The following PLEC variants were observed in gnomAD, a reference collection of about 807,000 sequenced individuals.
The protein encoded by PLEC is hemidesmosomal protein 1.
A neutral mutation model predicts 392.8 loss-of-function variants in PLEC; 216 were observed. The observed-to-expected ratio is 0.55, with a 90% CI of 0.49 to 0.62. The LOEUF is 0.62. PLEC is among the 20% of genes least tolerant of loss of function. The pLI is 0.00. For missense variants in PLEC, 6,863 were observed against 6,563.4 expected, an observed-to-expected ratio of 1.05 and a Z score of -1.58; for synonymous variants, 3,621 against 2,980.6, an observed-to-expected ratio of 1.21 and a Z score of -7.00.
Position 143,923,110 on chromosome 8 carries a change from C to A in PLEC, c.6819G>T (p.Met2273Ile), listed in dbSNP as rs1330572071. 2 of 1,605,526 alleles carry A rather than the reference C, an allele frequency of 1.2e-6. No homozygotes were observed. The highest frequency in any genetic ancestry group is 1.7e-6 in the Non-Finnish European group (2 of 1,179,896). The change falls in exon 31 of 32, where the codon ATG becomes ATT. Residue 2273 changes from methionine to isoleucine, a missense_variant. Coordinates refer to ENST00000345136, the MANE Select transcript of PLEC (RefSeq NM_201384.3). ...GCGCGGCCTCCTCCGCCACCTGCTTCATCTTCTCAGCCTCCTCCTGCAGGA... is the reference window on the plus strand; with the variant it reads ...GCGCGGCCTCCTCCGCCACCTGCTTAATCTTCTCAGCCTCCTCCTGCAGGA... ...QRFLQEEAEK[M>I]KQVAEEAARL...
Position 143,927,689 on chromosome 8 carries a change from C to A in PLEC, c.3477G>T (p.Val1159=), listed in dbSNP as rs781867658. ...LRDELRGAQE[V]GERLQQRHGE... ...CGTGCCGCTGCTGCAGTCGCTCCCCCACCTCCTGTGCCCCCCGCAGCTCAT... is the reference window on the plus strand; with the variant it reads ...CGTGCCGCTGCTGCAGTCGCTCCCCAACCTCCTGTGCCCCCCGCAGCTCAT... The change falls in exon 27 of 32, where the codon GTG becomes GTT. Residue 1159 remains valine, a synonymous_variant. Transcript: ENST00000345136. The A allele has an allele frequency of 4.4e-6, 7 of 1,582,726 alleles. No homozygotes were observed. Among genetic ancestry groups the A allele is most frequent in the South Asian group, 2.3e-5 (2 of 87,622 alleles).
chr8:143,971,791 C>A (rs1478544070), intron 1 of PLEC, among the ~76,000 whole-genome samples: 10 of 151,732 alleles, frequency 6.6e-5, no homozygotes, highest in Admixed American at 6.6e-4. Flanking sequence ...AGCCCCCCGG[C>A]CCCCCTGCCC....
intron 16 of PLEC, 63 bp from the exon 17 acceptor site, chr8:143,932,297 C>T: frequency 6.2e-7 from 1 of 1,607,916 alleles, no homozygotes; most frequent in Non-Finnish European, 8.5e-7. Context: ...ACGCTCCCAG[C>T]AAACTCGACC....
At chr8:143,968,471 G>A (rs1833233507) in intron 1 of PLEC, among the ~76,000 whole-genome samples, 1 of 139,280 alleles carries the variant, frequency 7.2e-6, no homozygotes, top group Non-Finnish European at 1.5e-5. Flanking sequence ...TCGGGAGCCT[G>A]AGGTACAAGA....
rs1421391265 is a variant in PLEC, at chr8:143,924,390, G to A, written c.5539C>T (p.Arg1847Trp). Reference sequence around the variant, plus strand: ...GCGATCTCCGCCTCCGTCTTGAGCCGCGTGGCCTCGCCGATGGCGGCCAGC... The same window carrying A: ...GCGATCTCCGCCTCCGTCTTGAGCCACGTGGCCTCGCCGATGGCGGCCAGC... ...EKLAAIGEAT[R>W]LKTEAEIALK... is the part of the protein sequence containing the mutation. The change falls in exon 31 of 32, where the codon CGG (arginine) becomes TGG (tryptophan). Residue 1847 changes from arginine (R) to tryptophan (W), a missense_variant. Arg to Trp is a moderately radical substitution (Grantham distance 101, BLOSUM62 -3). Transcript: ENST00000345136. The A allele has an allele frequency of 2.1e-5, 34 of 1,594,888 alleles. No individual in the cohort carries two copies. The highest frequency in any genetic ancestry group is 2.6e-5 in the Non-Finnish European group (31 of 1,177,926).
At position 143,916,213 on chromosome 8, in the gene PLEC, C is replaced by T. The variant is rs1444542865; in HGVS notation, c.13608G>A (p.Ser4536=). 19 of 1,544,944 alleles carry T rather than the reference C, an allele frequency of 1.2e-5. No individual in the cohort carries two copies. The highest frequency in any genetic ancestry group is 4.9e-5 in the East Asian group (2 of 40,738). ...GYGRRYASGS[S]ASLGGPESAV... ...CAGACTCAGGGCCCCCCAGGGAGGC[C>T]GAGGACCCCGAGGCGTAGCGGCGGC... The change falls in exon 32 of 32, where the codon TCG becomes TCA. Residue 4536 remains serine (S), a synonymous_variant. Transcript: ENST00000345136.
At position 143,922,929 on chromosome 8, in the gene PLEC, G is replaced by A. The variant is rs1554690952; in HGVS notation, c.7000C>T (p.Gln2334Ter). ...RLKAEAELLQ[Q>*]QKELAQEQAR... Reference sequence around the variant, plus strand: ...TGCTCCTGCGCAAGCTCCTTCTGCTGCTGCAGCAGTTCCGCCTCAGCCTTG... The same window carrying A: ...TGCTCCTGCGCAAGCTCCTTCTGCTACTGCAGCAGTTCCGCCTCAGCCTTG... Residue 2334 changes from glutamine to a stop codon, truncating the protein, a stop_gained, in exon 31 of 32, where the codon CAG becomes TAG. Transcript: ENST00000345136. LOFTEE classifies it high-confidence loss of function. 2 of 1,603,988 alleles carry A rather than the reference G, an allele frequency of 1.2e-6. No homozygotes were observed. Among genetic ancestry groups the A allele is most frequent in the Non-Finnish European group, 1.7e-6 (2 of 1,175,792 alleles).
At chr8:143,975,322 G>C, upstream of PLEC, 1 of 1,611,734 alleles carries the variant, frequency 6.2e-7, no homozygotes, top group Non-Finnish European at 8.5e-7. The surrounding 1 kb of genome is among the most constrained non-coding windows in gnomAD (Gnocchi z 9.9). Context: ...TGCTTCCATT[G>C]GAGACATCTT....
chr8:143,947,583 A>T (rs1311714857), intron 1 of PLEC, among the ~76,000 whole-genome samples: 3 of 140,460 alleles, frequency 2.1e-5, no homozygotes, highest in Admixed American at 7.0e-5. Flanking sequence ...CGTCTCTACT[A>T]AAAAAAAAAA....
chr8:143,937,360 C>G, intron 3 of PLEC, 118 bp from the exon 4 acceptor site: 1 of 762,868 alleles, frequency 1.3e-6, no homozygotes, highest in Non-Finnish European at 2.3e-6. Context: ...GGCAGCAGCC[C>G]CTCATCCCAG....
At chr8:143,926,585 C>T (rs1825265668) in intron 30 of PLEC, among the ~76,000 whole-genome samples, 199 bp downstream of exon 30, 1 of 152,264 alleles carries the variant, frequency 6.6e-6, no homozygotes, top group South Asian at 2.1e-4. Flanking sequence ...GCAGTGTAGC[C>T]ACACCAGGCC....
In PLEC at chr8:143,935,310, G is replaced by C. The variant is rs782620794; in HGVS notation, c.606C>G (p.Pro202=). The change falls in exon 7 of 32, where the codon CCC becomes CCG. Residue 202 remains proline (P), a synonymous_variant. Transcript: ENST00000345136. ...LFNAIIHRHK[P]LLIDMNKVYR... ...ACACCTTGTTCATGTCGATGAGCAG[G>C]GGCCTGGGACAAGCAGGTGGCTGGT... The C allele has an allele frequency of 9.4e-6, 15 of 1,601,696 alleles. No homozygotes were observed. In the East Asian group the frequency reaches 2.5e-4, roughly 26 times the overall value.
intron 1 of PLEC, chr8:143,945,422 C>T (rs1831316682): frequency 1.6e-5 from 5 of 314,804 alleles, no homozygotes; most frequent in South Asian, 1.2e-4. Flanking sequence ...CACAGCATAT[C>T]CTATGCAGAT....
Position 143,929,276 on chromosome 8 carries a change from T to C in PLEC, c.3087A>G (p.Ala1029=). 1.2e-6 allele frequency: 2 copies of C among 1,600,304 alleles called. No homozygotes were observed. Among genetic ancestry groups the C allele is most frequent in the African/African-American group, 1.3e-5 (1 of 74,998 alleles). The change falls in exon 25 of 32, where the codon GCA becomes GCG. Residue 1029 remains alanine (A), a synonymous_variant. Transcript: ENST00000345136. The part of the protein sequence containing the change: ...CAQRIAEQQK[A]QAEVEGLGKG... ...TGCCCAGCCCCTCCACCTCTGCCTG[T>C]GCCTTCTGCAAAGACAGGGAGTGGG...
At position 143,925,094 on chromosome 8, in the gene PLEC, C is replaced by T. The variant is rs1041351510; in HGVS notation, c.4835G>A (p.Arg1612Gln). 49 of 1,548,470 alleles carry T rather than the reference C, an allele frequency of 3.2e-5. No individual in the cohort carries two copies. Among genetic ancestry groups the T allele is most frequent in the Admixed American group, 7.6e-5 (4 of 52,964 alleles). ...AVAQLREEAE[R>Q]RAQQQAEAER... ...GGCCTCGGCCTGCTGCTGTGCCCGC[C>T]GCTCAGCCTCCTCCCGCAGCTGTGC... is the stretch of plus-strand genomic sequence containing the variant. The change falls in exon 31 of 32, where the codon CGG (arginine) becomes CAG (glutamine). Residue 1612 changes from arginine (R) to glutamine (Q), a missense_variant. By Grantham distance (43) the Arg-to-Gln change is conservative (BLOSUM62 1). Coordinates refer to ENST00000345136, the MANE Select transcript of PLEC (RefSeq NM_201384.3).
chr8:143,973,458 C>A lies in PLEC; in HGVS notation c.15G>T (p.Leu5=), dbSNP rs1439509657. The A allele has an allele frequency of 5.9e-6, 9 of 1,517,186 alleles. No homozygotes were observed. The Admixed American group carries it at 1.4e-4, about 24-fold the overall frequency. The allele number at this position is 1,517,186 out of a possible 1,614,324, so 94.0% of individuals were successfully genotyped here. ...CCTGGATGAAGTCCTGCTCGTCGGG[C>A]AGCGGGCCGGCCATGCCGGCGGGCG... Residue 5 remains leucine (L), a synonymous_variant, in exon 1 of 32, where the codon CTG becomes CTT. Transcript: ENST00000356346. This position sits in a 1 kb window ranked among gnomAD's most constrained non-coding sequence, Gnocchi z 5.6.
Position 143,916,653 on chromosome 8 carries a change from C to T in PLEC, c.13168G>A (p.Val4390Met), listed in dbSNP as rs1554669843. The T allele has an allele frequency of 6.2e-7, 1 of 1,611,146 alleles. No individual in the cohort carries two copies. The highest frequency in any genetic ancestry group is 8.5e-7 in the Non-Finnish European group (1 of 1,179,224). Residue 4390 changes from valine (V) to methionine (M), a missense_variant, in exon 32 of 32, where the codon GTG becomes ATG. Val to Met is a conservative substitution (Grantham distance 21). Transcript: ENST00000345136. The stretch of plus-strand genomic sequence containing the variant: ...ATCAAGCCGCCGGTCAGGTACTGCA[C>T]CTCCAGGAAGCGCTGGCCGGCCTCG... ...YYEAGQRFLEVQYLTGGLIEP... is the reference protein window; with the variant it reads ...YYEAGQRFLEMQYLTGGLIEP...
chr8:143,935,405 C>T, intron 6 of PLEC, 92 bp from the exon 7 acceptor site: 1 of 847,122 alleles, frequency 1.2e-6, no homozygotes, highest in Non-Finnish European at 1.9e-6. Flanking sequence ...TCACACATCC[C>T]AGCAACCATG....
upstream of PLEC, among the ~76,000 whole-genome samples, chr8:143,955,944 CTTTTTT>C (rs57462492): frequency 3.2e-5 from 4 of 125,394 alleles, no homozygotes; most frequent in Admixed American, 3.3e-4. Context: ...CCTAGGGAGA[CTTTTTT>C]TTTTTTTTTT....
Sources: gnomAD v4.1 joint callset for allele counts (sites outside exome capture counted in the v4.1 genomes callset) on GRCh38, gnomAD v4.1.1 for gene constraint, Gnocchi (gnomAD v3.1) non-coding constraint, MANE v1.5 for transcripts, NCBI Gene and HGNC (gene_info 2026-07-23, HGNC 2026-07-21) for gene names.